UBE2E2: variants seen among roughly 807,000 people sequenced by gnomAD.
The protein encoded by UBE2E2 is ubiquitin conjugating enzyme E2 E2.
Under a neutral mutation model 24.7 loss-of-function variants are expected in UBE2E2, and 6 were observed. The observed-to-expected ratio is 0.24, with a 90% CI of 0.13 to 0.48. The LOEUF (loss-of-function observed/expected upper bound fraction) is 0.48, where lower values mean the gene tolerates loss of function less well. UBE2E2 is among the 20% of genes least tolerant of loss of function. The probability of loss-of-function intolerance (pLI) is 0.99; values close to 1 mark genes in which losing one functional copy is unlikely to be tolerated. For missense variants in UBE2E2, 169 were observed against 245.0 expected, an observed-to-expected ratio of 0.69 and a Z score of 2.07; for synonymous variants, 104 against 83.6, an observed-to-expected ratio of 1.24 and a Z score of -1.33.
chr3:23,474,312 GA>G lies in UBE2E2; in HGVS notation c.228-25294del, dbSNP rs1699083714. ...GTCCTTTGTCAGATGTATAGATTTT[GA>G]AGATTTTTCCCACTCTGTGGGTTAT... On this transcript the variant is annotated intron_variant, in intron 3 of 5. Coordinates refer to ENST00000396703, the MANE Select transcript of UBE2E2 (RefSeq NM_152653.4). The surrounding 1 kb of genome is among the most constrained non-coding windows in gnomAD (Gnocchi z 4.0). Among the ~76,000 whole-genome samples, 3 of 152,006 alleles carry G rather than the reference GA, an allele frequency of 2.0e-5. No individual in the cohort carries two copies. Among genetic ancestry groups the G allele is most frequent in the African/African-American group, 7.3e-5 (3 of 41,326 alleles).
rs117356314 is a variant in UBE2E2, at chr3:23,577,848, G to A, written c.509-11886G>A. On this transcript the variant is annotated intron_variant, in intron 5 of 5. Coordinates refer to ENST00000396703, the MANE Select transcript of UBE2E2 (RefSeq NM_152653.4). ...AGCTGGTGACTTCAAGTTGAAGCCA[G>A]TGCTCATTTACCATTTCAAAAATCC... Among the ~76,000 whole-genome samples the A allele has an allele frequency of 1.8e-3, 273 of 152,190 alleles. 5 individuals are homozygous for A. The highest frequency in any genetic ancestry group is 0.015 in the East Asian group (78 of 5,178).
chr3:23,288,933 G>A (rs1261637479), intron 3 of UBE2E2, among the ~76,000 whole-genome samples: 1 of 152,214 alleles, frequency 6.6e-6, no homozygotes, highest in African/African-American at 2.4e-5. Context: ...TGCTGCTGGG[G>A]CATGGGGGAG....
At chr3:23,321,566 C>T (rs755380912) in intron 3 of UBE2E2, among the ~76,000 whole-genome samples, 1 of 150,522 alleles carries the variant, frequency 6.6e-6, no homozygotes, top group African/African-American at 2.5e-5. Context: ...ACTCCTGGGA[C>T]CTACAGGAGA....
Position 23,407,249 on chromosome 3 carries a change from A to AT in UBE2E2, c.228-92351dup, listed in dbSNP as rs79818979. On this transcript the variant is annotated intron_variant, in intron 3 of 5. Transcript: ENST00000396703. This position sits in a 1 kb window ranked among gnomAD's most constrained non-coding sequence, Gnocchi z 4.0. ...TCAAGCTTTACACATTTTTTTCCCC[A>AT]TTTTTTTTCTGGAAAGAATAAAAAG... Among the ~76,000 whole-genome samples, 24,572 of 149,074 alleles carry AT rather than the reference A, an allele frequency of 0.16. 2,049 individuals are homozygous for AT. Among genetic ancestry groups the AT allele is most frequent in the South Asian group, 0.22 (1,049 of 4,668 alleles).
At chr3:23,438,678 T>C (rs1688377613) in intron 3 of UBE2E2, among the ~76,000 whole-genome samples, 2 of 152,244 alleles carry the variant, frequency 1.3e-5, no homozygotes, top group South Asian at 4.1e-4. Context: ...TTATATTTTA[T>C]GCATCATGGT....
At chr3:23,503,059 C>A (rs538460338) in intron 4 of UBE2E2, among the ~76,000 whole-genome samples, 1 of 151,766 alleles carries the variant, frequency 6.6e-6, no homozygotes, top group Admixed American at 6.6e-5. Flanking sequence ...TGTGTAAAAG[C>A]TTTTTACACC....
chr3:23,283,827 T>C (rs1698542838), intron 3 of UBE2E2, among the ~76,000 whole-genome samples: 1 of 147,434 alleles, frequency 6.8e-6, no homozygotes, highest in South Asian at 2.2e-4. Flanking sequence ...CAAATGCAGA[T>C]TACCAGGCTC....
chr3:23,495,676 C>A (rs1699583968), intron 3 of UBE2E2, among the ~76,000 whole-genome samples: 1 of 152,086 alleles, frequency 6.6e-6, no homozygotes, highest in Admixed American at 6.6e-5. Flanking sequence ...AGGGCATAAC[C>A]ATGTGTATTA....
chr3:23,501,277 C>T (rs1251899840), intron 4 of UBE2E2, among the ~76,000 whole-genome samples: 1 of 152,182 alleles, frequency 6.6e-6, no homozygotes, highest in East Asian at 1.9e-4. Flanking sequence ...TATCCTAGTT[C>T]TGAATGACAG....
At chr3:23,342,275 C>T (rs540371060) in intron 3 of UBE2E2, among the ~76,000 whole-genome samples, 2 of 151,894 alleles carry the variant, frequency 1.3e-5, no homozygotes, top group South Asian at 4.2e-4. Context: ...GCCTCAAGCC[C>T]CTGGGCCCAA....
chr3:23,249,415 G>A (rs1004234508), intron 3 of UBE2E2, among the ~76,000 whole-genome samples: 1 of 152,154 alleles, frequency 6.6e-6, no homozygotes, highest in Admixed American at 6.5e-5. Context: ...TATATGGTAA[G>A]ATATGTGTAG....
At chr3:23,577,711 A>G (rs768838638) in intron 5 of UBE2E2, among the ~76,000 whole-genome samples, 3 of 152,190 alleles carry the variant, frequency 2.0e-5, no homozygotes, top group Non-Finnish European at 2.9e-5. Context: ...TGTAGATGAA[A>G]CAGCCTTCTG....
chr3:23,420,777 CT>C (rs771573537), intron 3 of UBE2E2, among the ~76,000 whole-genome samples: 8 of 152,122 alleles, frequency 5.3e-5, no homozygotes, highest in Non-Finnish European at 1.2e-4. Context: ...TTCAGGAAGC[CT>C]TTACCTAATA....
Position 23,474,085 on chromosome 3 carries a change from C to T in UBE2E2, c.228-25523C>T, listed in dbSNP as rs974303531. ...ATATATATATTTTTTTATTTTTTTG[C>T]GGGAGTAAGATGGTATCGCATTGTG... On this transcript the variant is annotated intron_variant, in intron 3 of 5. Transcript: ENST00000396703. The surrounding 1 kb of genome is among the most constrained non-coding windows in gnomAD (Gnocchi z 4.0). Among the ~76,000 whole-genome samples, 1 of 151,646 alleles carries T rather than the reference C, an allele frequency of 6.6e-6. No homozygotes were observed. The highest frequency in any genetic ancestry group is 1.5e-5 in the Non-Finnish European group (1 of 67,934).
rs1694388694 is a variant in UBE2E2, at chr3:23,311,410, TG to T, written c.227+94100del. ...CAGGTGTATATTTGGCTGGGTCAAA[TG>T]GTATTTCCAGTTCCAGATCCTTGAG... is the stretch of plus-strand genomic sequence containing the variant. On this transcript the variant is annotated intron_variant, in intron 3 of 5. Coordinates refer to ENST00000396703, the MANE Select transcript of UBE2E2 (RefSeq NM_152653.4). 3.9e-5 allele frequency among the ~76,000 whole-genome samples: 6 copies of T among 152,314 alleles called. No individual in the cohort carries two copies. In the South Asian group the frequency reaches 1.2e-3, roughly 32 times the overall value.
At chr3:23,511,261 C>G (rs35027557) in intron 4 of UBE2E2, among the ~76,000 whole-genome samples, 11,016 of 152,254 alleles carry the variant, frequency 0.072, 522 homozygotes, top group Non-Finnish European at 0.088. Context: ...ATTGTGACAA[C>G]AAAAATTTCT....
intron 5 of UBE2E2, among the ~76,000 whole-genome samples, chr3:23,535,140 G>T (rs1400569312): frequency 1.3e-5 from 2 of 152,162 alleles, no homozygotes; most frequent in African/African-American, 4.8e-5. Flanking sequence ...ATATCACATT[G>T]GATGGGTCAC....
In UBE2E2 at chr3:23,329,606, A is replaced by G. The variant is rs117741554; in HGVS notation, c.227+112294A>G. Among the ~76,000 whole-genome samples the G allele has an allele frequency of 5.7e-4, 87 of 152,376 alleles. 3 individuals carry two copies. In the East Asian group the frequency reaches 0.015, roughly 27 times the overall value. On this transcript the variant is annotated intron_variant, in intron 3 of 5. Transcript: ENST00000396703. ...GTATGCAAGCTAATTAGATACAACAACTAATTGGAGCCGGTGGCTCAGACT... is the reference window on the plus strand; with the variant it reads ...GTATGCAAGCTAATTAGATACAACAGCTAATTGGAGCCGGTGGCTCAGACT...
intron 3 of UBE2E2, among the ~76,000 whole-genome samples, chr3:23,480,281 C>G (rs898738849): frequency 6.6e-6 from 1 of 152,180 alleles, no homozygotes; most frequent in African/African-American, 2.4e-5. Flanking sequence ...GCACCCAGGC[C>G]CACCCACAAC....
Sources: allele counts gnomAD v4.1 joint callset (sites outside exome capture counted in the v4.1 genomes callset), GRCh38; gene constraint gnomAD v4.1.1; non-coding constraint Gnocchi (gnomAD v3.1); transcripts MANE v1.5; gene names NCBI Gene and HGNC (gene_info 2026-07-23, HGNC 2026-07-21).